The following RPL29 variants were observed in gnomAD, a reference collection of about 807,000 sequenced individuals.
RPL29 encodes large ribosomal subunit protein eL29.
A neutral mutation model predicts 7.2 loss-of-function variants in RPL29; 4 were observed. The ratio of observed to expected loss-of-function variants is 0.55; its 90% confidence interval spans 0.27 to 1.26. The LOEUF (loss-of-function observed/expected upper bound fraction) is 1.26, where lower values mean the gene tolerates loss of function less well. Among genes scored for constraint, RPL29 ranks in the 50% most tolerant of loss-of-function variants. The probability of loss-of-function intolerance (pLI) is 0.11; values close to 1 mark genes in which losing one functional copy is unlikely to be tolerated. For missense variants in RPL29, 148 were observed against 209.1 expected (o/e 0.71, Z 1.80); for synonymous variants, 73 against 72.8 (o/e 1.00, Z -0.01).
chr3:51,993,703 GT>G lies in RPL29; in HGVS notation c.*45del, dbSNP rs1477147245. 7.9e-6 allele frequency: 12 copies of G among 1,521,774 alleles called. No individual in the cohort carries two copies. The Admixed American group carries it at 9.9e-5, about 13-fold the overall frequency. 94.3% of individuals were successfully genotyped at this position (1,521,774 alleles called of 1,614,324 possible). On this transcript the variant is annotated 3_prime_UTR_variant, in exon 4 of 4. Transcript: ENST00000294189. Reference sequence around the variant, plus strand: ...TGCAGATGGTAGCCCAGGGGCGGGGGTGGGGGGTCGCACCAGTCCTTCTGTC... The same window carrying G: ...TGCAGATGGTAGCCCAGGGGCGGGGGGGGGGGTCGCACCAGTCCTTCTGTC...
chr3:51,995,501 G>T lies in RPL29; in HGVS notation c.-8-32C>A, dbSNP rs747655067. The T allele has an allele frequency of 3.1e-6, 5 of 1,609,948 alleles. No individual in the cohort carries two copies. In the African/African-American group the frequency reaches 5.3e-5, roughly 17 times the overall value. The stretch of plus-strand genomic sequence containing the variant: ...GACAAAAGTGGAGATCAGGGTTAAG[G>T]GCTCGCCAGGCTGGGCCACCTCTGC... On this transcript the variant is annotated intron_variant, in intron 1 of 3. Transcript: ENST00000294189.
Position 51,994,135 on chromosome 3 carries a change from C to A in RPL29, c.103-9G>T. On this transcript the variant is annotated splice_polypyrimidine_tract_variant and intron_variant, in intron 3 of 3. Coordinates refer to ENST00000294189, the MANE Select transcript of RPL29 (RefSeq NM_000992.3). ...AGGAACTTGGGGTCCACCTGAAAAG[C>A]AGGAAAGGTACAGGTGGCAGCATGT... 1 of 1,587,582 alleles carries A rather than the reference C, an allele frequency of 6.3e-7. No individual in the cohort carries two copies. The highest frequency in any genetic ancestry group is 1.2e-5 in the South Asian group (1 of 86,804).
intron 2 of RPL29, 155 bp downstream of exon 2, chr3:51,995,270 G>A: frequency 1.0e-6 from 1 of 985,222 alleles, no homozygotes. Context: ...TGTATCTCAA[G>A]TAGATCTCTA....
chr3:51,993,624 C>G lies in RPL29; in HGVS notation c.*125G>C. The G allele has an allele frequency of 9.4e-7, 1 of 1,059,658 alleles. No individual in the cohort carries two copies. The highest frequency in any genetic ancestry group is 1.4e-6 in the Non-Finnish European group (1 of 734,440). 65.6% of individuals were successfully genotyped at this position (1,059,658 alleles called of 1,614,324 possible). Reference sequence around the variant, plus strand: ...CCCCAGGATCATAGACAGAGGCTAACAAATCCTGCCTCAGGTTTATTTGTA... The same window carrying G: ...CCCCAGGATCATAGACAGAGGCTAAGAAATCCTGCCTCAGGTTTATTTGTA... On this transcript the variant is annotated 3_prime_UTR_variant, in exon 4 of 4. Transcript: ENST00000294189.
At chr3:51,995,804 G>A in intron 1 of RPL29, 53 bp downstream of exon 1, 1 of 333,302 alleles carries the variant, frequency 3.0e-6, no homozygotes, top group Non-Finnish European at 5.7e-6. Context: ...CCCGCGCCCC[G>A]CCGCCACCCG....
chr3:51,994,662 G>A, intron 3 of RPL29: 1 of 577,824 alleles, frequency 1.7e-6, no homozygotes, highest in Non-Finnish European at 3.1e-6. Context: ...AGAACCCCCT[G>A]ACACAGGAAG....
chr3:51,994,802 A>C (rs1701293445), intron 3 of RPL29: 1 of 703,008 alleles, frequency 1.4e-6, no homozygotes, highest in African/African-American at 1.7e-5. Flanking sequence ...CAAGGGAGAT[A>C]GCCAAACTGC....
intron 1 of RPL29, 63 bp downstream of exon 1, chr3:51,995,794 C>T (rs946643647): frequency 3.5e-5 from 12 of 344,950 alleles, no homozygotes; most frequent in Middle Eastern, 8.5e-4. Context: ...CTCTCCGCAG[C>T]CCGCGCCCCG....
rs1456975351 is a variant in RPL29, at chr3:51,994,296, G to A, written c.103-170C>T. 4 of 859,226 alleles carry A rather than the reference G, an allele frequency of 4.7e-6. No individual in the cohort carries two copies. In the African/African-American group the frequency reaches 6.8e-5, roughly 15 times the overall value. The allele number at this position is 859,226 out of a possible 1,614,324, so 53.2% of individuals were successfully genotyped here. On this transcript the variant is annotated intron_variant, in intron 3 of 3. Coordinates refer to ENST00000294189, the MANE Select transcript of RPL29 (RefSeq NM_000992.3). ...CCAGAGAAAGTGTACCACCACCCCA[G>A]GGAGCCAATACGCCACCTGGGTAAT...
chr3:51,995,144 C>T, intron 2 of RPL29, 38 bp from the exon 3 acceptor site: 1 of 1,568,770 alleles, frequency 6.4e-7, no homozygotes, highest in Non-Finnish European at 8.7e-7. Flanking sequence ...CAACAAAGAA[C>T]TTTCCTCTAA....
chr3:51,995,509 A>G (rs1278066525), intron 1 of RPL29, 40 bp from the exon 2 acceptor site: 3 of 1,601,816 alleles, frequency 1.9e-6, no homozygotes, highest in African/African-American at 2.7e-5. Flanking sequence ...AGGGCTCGCC[A>G]GGCTGGGCCA....
chr3:51,994,936 G>C, intron 3 of RPL29, 106 bp downstream of exon 3: 1 of 987,352 alleles, frequency 1.0e-6, no homozygotes, highest in Non-Finnish European at 1.6e-6. Context: ...GGGCCAGTTA[G>C]GCTGTGCTCA....
At position 51,993,887 on chromosome 3, in the gene RPL29, C is replaced by T; in HGVS notation, c.342G>A (p.Lys114=). The change falls in exon 4 of 4, where the codon AAG becomes AAA. Residue 114 remains lysine, a synonymous_variant. Coordinates refer to ENST00000294189, the MANE Select transcript of RPL29 (RefSeq NM_000992.3). ...LGKRARARIA[K]GLRLCRPKAK... is the part of the protein sequence containing the mutation. ...CCTTTGGCCGGCACAGCCTGAGCCC[C>T]TTGGCAATACGGGCACGAGCACGCT... 3.8e-6 allele frequency: 6 copies of T among 1,596,486 alleles called. No homozygotes were observed. Among genetic ancestry groups the T allele is most frequent in the Non-Finnish European group, 5.1e-6 (6 of 1,179,784 alleles).
intron 1 of RPL29, 109 bp from the exon 2 acceptor site, chr3:51,995,578 A>T (rs948022320): frequency 2.7e-5 from 29 of 1,078,220 alleles, no homozygotes; most frequent in Non-Finnish European, 4.1e-5. Context: ...TGCAGCCTCC[A>T]CGAGTCTCGG....
intron 3 of RPL29, chr3:51,994,372 G>A: frequency 2.0e-6 from 1 of 492,098 alleles, no homozygotes; most frequent in Non-Finnish European, 3.5e-6. Context: ...TTGCTGCCCT[G>A]TCTGCCAAGG....
chr3:51,995,860 A>T lies in RPL29; in HGVS notation c.-12T>A, dbSNP rs1223257098. 4.2e-6 allele frequency: 1 copy of T among 235,440 alleles called. No individual in the cohort carries two copies. Among genetic ancestry groups the T allele is most frequent in the South Asian group, 5.4e-5 (1 of 18,532 alleles). 14.6% of individuals were successfully genotyped at this position (235,440 alleles called of 1,614,324 possible). A position where few individuals can be genotyped will look rare whatever the true frequency, so the allele number is the denominator to read the frequency against. ...ATGCCGCGCGGCCAACACTCACCAT[A>T]AGCCGCGGCTCCCGAAGCGCCTAGA... On this transcript the variant is annotated 5_prime_UTR_variant, in exon 1 of 4. Coordinates refer to ENST00000294189, the MANE Select transcript of RPL29 (RefSeq NM_000992.3).
Position 51,993,875 on chromosome 3 carries a change from C to G in RPL29, c.354G>C (p.Leu118=). 1 of 1,596,484 alleles carries G rather than the reference C, an allele frequency of 6.3e-7. No individual in the cohort carries two copies. The highest frequency in any genetic ancestry group is 8.5e-7 in the Non-Finnish European group (1 of 1,179,770). The change falls in exon 4 of 4, where the codon CTG becomes CTC. Residue 118 remains leucine, a synonymous_variant. Transcript: ENST00000294189. ...CCTTGGCCTTGGCCTTTGGCCGGCA[C>G]AGCCTGAGCCCCTTGGCAATACGGG... ...ARARIAKGLR[L]CRPKAKAKAK...
chr3:51,995,533 C>CA lies in RPL29; in HGVS notation c.-8-65dup, dbSNP rs1701303172. 9 of 1,501,138 alleles carry CA rather than the reference C, an allele frequency of 6.0e-6. No individual in the cohort carries two copies. In the South Asian group the frequency reaches 7.9e-5, roughly 13 times the overall value. The allele number at this position is 1,501,138 out of a possible 1,614,324, so 93.0% of individuals were successfully genotyped here. The stretch of plus-strand genomic sequence containing the variant: ...CAGGCTGGGCCACCTCTGCCCCCCC[C>CA]ATTCTGGTCAGAATGAGCCTGCAGG... On this transcript the variant is annotated intron_variant, in intron 1 of 3. Coordinates refer to ENST00000294189, the MANE Select transcript of RPL29 (RefSeq NM_000992.3).
rs185987532 is a variant in RPL29 at position 51,994,254 on chromosome 3, A to C, written c.103-128T>G. 386 of 1,200,408 alleles carry C rather than the reference A, an allele frequency of 3.2e-4. 3 individuals carry two copies. The East Asian group carries it at 5.5e-3, about 17-fold the overall frequency. 74.4% of individuals were successfully genotyped at this position (1,200,408 alleles called of 1,614,324 possible). On this transcript the variant is annotated intron_variant, in intron 3 of 3. Transcript: ENST00000294189. The stretch of plus-strand genomic sequence containing the variant: ...TCAACCTCAAATGTGGAAATACCCA[A>C]CCTCTTGAAACTATTTCCAGAGAAA...
Sources: gnomAD v4.1 joint callset for allele counts on GRCh38, gnomAD v4.1.1 for gene constraint, MANE v1.5 for transcripts, NCBI Gene and HGNC (gene_info 2026-07-23, HGNC 2026-07-21) for gene names.